GGA2: variants seen among roughly 807,000 people sequenced by gnomAD.
GGA2 encodes ADP-ribosylation factor-binding protein GGA2.
GGA2 carries 48 observed loss-of-function variants against 79.5 expected under a neutral mutation model. The observed-to-expected ratio is 0.60, with a 90% CI of 0.48 to 0.77. The LOEUF (loss-of-function observed/expected upper bound fraction) is 0.77. Ranked by LOEUF, GGA2 falls within the 30% of genes least tolerant of loss-of-function variation. The pLI is 0.00. For synonymous variants in GGA2, 317 were observed against 302.0 expected (o/e 1.05, Z -0.51); for missense variants, 770 against 774.0 (o/e 0.99, Z 0.06).
intron 8 of GGA2, among the ~76,000 whole-genome samples, 188 bp from the exon 9 acceptor site, chr16:23,483,192 A>T (rs544175738): frequency 6.6e-6 from 1 of 152,326 alleles, no homozygotes; most frequent in South Asian, 2.1e-4. Flanking sequence ...ACTACAGGCT[A>T]CAAGTGTATG....
intron 1 of GGA2, among the ~76,000 whole-genome samples, chr16:23,520,303 T>TA (rs1402311685): frequency 4.0e-5 from 6 of 150,908 alleles, no homozygotes; most frequent in Admixed American, 6.6e-5. Context: ...TTCCAATCCT[T>TA]ACAACTCTTT....
chr16:23,472,280 G>A (rs1046506423), intron 14 of GGA2, among the ~76,000 whole-genome samples: 10 of 129,960 alleles, frequency 7.7e-5, no homozygotes, highest in South Asian at 5.4e-4. Flanking sequence ...TGCAACCTCC[G>A]CCTCCCAGGT....
At chr16:23,491,906 C>T (rs878994061) in intron 4 of GGA2, 106 bp from the exon 5 acceptor site, 10 of 724,108 alleles carry the variant, frequency 1.4e-5, no homozygotes, top group South Asian at 9.8e-5. Flanking sequence ...AGCTCCCAGG[C>T]GCGGTATGAG....
intron 1 of GGA2, among the ~76,000 whole-genome samples, chr16:23,496,994 G>A (rs985751309): frequency 2.2e-4 from 32 of 144,604 alleles, no homozygotes; most frequent in East Asian, 1.6e-3. Context: ...GTGGTGGCAT[G>A]TGACTGTAGT....
At chr16:23,496,302 CAA>C (rs754859869) in intron 1 of GGA2, among the ~76,000 whole-genome samples, 3 of 35,858 alleles carry the variant, frequency 8.4e-5, no homozygotes, top group Non-Finnish European at 1.2e-4. Flanking sequence ...GACTCTGTCT[CAA>C]AAAAAAAAAA....
At chr16:23,520,306 A>G (rs988660711) in intron 1 of GGA2, among the ~76,000 whole-genome samples, 6 of 151,918 alleles carry the variant, frequency 3.9e-5, no homozygotes, top group Non-Finnish European at 8.8e-5. Context: ...CAATCCTTAC[A>G]ACTCTTTGAG....
chr16:23,479,160 T>C, intron 11 of GGA2: 1 of 562,066 alleles, frequency 1.8e-6, no homozygotes, highest in Non-Finnish European at 3.2e-6. Flanking sequence ...CTCACTCTCC[T>C]ACTCACAACC....
intron 3 of GGA2, chr16:23,493,805 A>C (rs1596989786): frequency 3.2e-6 from 1 of 311,994 alleles, no homozygotes; most frequent in Non-Finnish European, 6.1e-6. Flanking sequence ...AGTGCCCAAG[A>C]CCAGCCGGAT....
At chr16:23,479,953 T>C (rs1964627437) in intron 10 of GGA2, 66 bp from the exon 11 acceptor site, 3 of 1,535,528 alleles carry the variant, frequency 2.0e-6, no homozygotes, top group Non-Finnish European at 2.7e-6. Flanking sequence ...ACATAAATCC[T>C]ATCAGCTTCC....
At chr16:23,482,294 G>C (rs899294205) in intron 9 of GGA2, among the ~76,000 whole-genome samples, 10 of 152,182 alleles carry the variant, frequency 6.6e-5, no homozygotes, top group African/African-American at 2.4e-4. Context: ...GAAATGTCTA[G>C]AATTTGCTTC....
intron 1 of GGA2, among the ~76,000 whole-genome samples, chr16:23,509,202 T>G (rs1056199843): frequency 1.3e-5 from 2 of 152,230 alleles, no homozygotes; most frequent in Non-Finnish European, 2.9e-5. Context: ...AACTCCTTTC[T>G]GCAGCACACA....
At chr16:23,501,673 A>G (rs1050963396) in intron 1 of GGA2, 3 of 177,574 alleles carry the variant, frequency 1.7e-5, no homozygotes, top group African/African-American at 7.1e-5. Flanking sequence ...TTAAAGAGAG[A>G]AATTAACATT....
At chr16:23,488,752 C>T (rs1295047555) in intron 5 of GGA2, 43 bp from the exon 6 acceptor site, 1 of 1,051,460 alleles carries the variant, frequency 9.5e-7, no homozygotes, top group Admixed American at 1.8e-5. Context: ...ATATGGTACC[C>T]AGAAACTTCA....
intron 2 of GGA2, chr16:23,495,443 G>C (rs1474826816): frequency 1.3e-5 from 4 of 306,578 alleles, no homozygotes; most frequent in Non-Finnish European, 2.4e-5. Flanking sequence ...GAAAATGAGA[G>C]AATGAATGCC....
chr16:23,480,536 T>G, intron 10 of GGA2, 109 bp downstream of exon 10: 1 of 904,478 alleles, frequency 1.1e-6, no homozygotes, highest in Non-Finnish European at 1.7e-6. Context: ...AAAGGGCGAG[T>G]TCTCTCATTT....
At chr16:23,509,644 G>A (rs1352538408) in intron 1 of GGA2, among the ~76,000 whole-genome samples, 1 of 151,628 alleles carries the variant, frequency 6.6e-6, no homozygotes, top group Non-Finnish European at 1.5e-5. Flanking sequence ...AGATGACTGT[G>A]AAGCTTACAG....
In GGA2 at chr16:23,510,413, G is replaced by C; in HGVS notation, c.-2C>G. On this transcript the variant is annotated 5_prime_UTR_variant, in exon 1 of 17. Coordinates refer to ENST00000309859, the MANE Select transcript of GGA2 (RefSeq NM_015044.4). Reference sequence around the variant, plus strand: ...CGCCGCCACCGCGGTCGCCGCCATCGCTCCAGCCCCGACGCTGCGGCCGCG... The same window carrying C: ...CGCCGCCACCGCGGTCGCCGCCATCCCTCCAGCCCCGACGCTGCGGCCGCG... 1 of 1,277,340 alleles carries C rather than the reference G, an allele frequency of 7.8e-7. No homozygotes were observed. Among genetic ancestry groups the C allele is most frequent in the Non-Finnish European group, 1.0e-6 (1 of 991,144 alleles). The allele number at this position is 1,277,340 out of a possible 1,614,324, so 79.1% of individuals were successfully genotyped here.
intron 1 of GGA2, among the ~76,000 whole-genome samples, chr16:23,509,743 C>CATAT (rs540280134): frequency 1.3e-4 from 20 of 148,638 alleles, no homozygotes; most frequent in Admixed American, 2.0e-4. Flanking sequence ...AAAAAAAACA[C>CATAT]ACATATATAT....
chr16:23,473,989 TAA>T (rs1176815686), intron 14 of GGA2, among the ~76,000 whole-genome samples: 2 of 152,228 alleles, frequency 1.3e-5, no homozygotes, highest in South Asian at 2.1e-4. Flanking sequence ...GGCTCTGTGC[TAA>T]AGAGTCCAGG....
Sources: gnomAD v4.1 joint callset for allele counts (sites outside exome capture counted in the v4.1 genomes callset) on GRCh38, gnomAD v4.1.1 for gene constraint, MANE v1.5 for transcripts, NCBI Gene and HGNC (gene_info 2026-07-23, HGNC 2026-07-21) for gene names.